Variants in XPO5 observed in about 807,000 individuals in gnomAD.
The protein encoded by XPO5 is exportin 5, also known as exportin-5.
Under a neutral mutation model 160.6 loss-of-function variants are expected in XPO5, and 46 were observed. That is an observed-to-expected ratio of 0.29 (90% CI 0.23 to 0.37). XPO5 has a LOEUF of 0.37. XPO5 is among the 10% of genes least tolerant of loss of function. The pLI, the probability that XPO5 is intolerant of heterozygous loss-of-function variation, is 1.00. For missense variants in XPO5, 1,090 were observed against 1,463.9 expected (o/e 0.74, Z 4.17); for synonymous variants, 537 against 519.3 (o/e 1.03, Z -0.46).
chr6:43,544,117 T>C (rs1379171682), intron 20 of XPO5: 1 of 152,834 alleles, frequency 6.5e-6, no homozygotes, highest in Non-Finnish European at 1.5e-5. Context: ...CACTGAACTC[T>C]TAGAAAAGTA....
intron 25 of XPO5, 91 bp from the exon 26 acceptor site, chr6:43,527,822 T>C (rs1561863998): frequency 2.2e-5 from 30 of 1,365,350 alleles, no homozygotes; most frequent in South Asian, 2.5e-5. Flanking sequence ...CTCTGACCAC[T>C]TTCTTCTCCT....
Position 43,575,643 on chromosome 6 carries a change from G to A in XPO5, c.105+117C>T, listed in dbSNP as rs1249399596. 8.9e-6 allele frequency: 8 copies of A among 898,968 alleles called. No homozygotes were observed. In the Admixed American group the frequency reaches 2.1e-4, roughly 24 times the overall value. 55.7% of individuals were successfully genotyped at this position (898,968 alleles called of 1,614,324 possible). On this transcript the variant is annotated intron_variant, in intron 1 of 31. Transcript: ENST00000265351. The stretch of plus-strand genomic sequence containing the variant: ...CGAGGGGAAGGTCCCGGGGAGTTGG[G>A]AAAGGAGGTCCAGGGGCCGCGTGGG...
At chr6:43,573,382 G>T in intron 2 of XPO5, 98 bp downstream of exon 2, 1 of 1,462,670 alleles carries the variant, frequency 6.8e-7, no homozygotes, top group Non-Finnish European at 9.3e-7. Context: ...CTTGGAGATT[G>T]CTCTTCTCTA....
chr6:43,525,686 T>C (rs1793540100), intron 28 of XPO5, 153 bp downstream of exon 28: 4 of 767,126 alleles, frequency 5.2e-6, no homozygotes, highest in Non-Finnish European at 8.2e-6. Context: ...TTGCACCTTT[T>C]CCCTCGGTTT....
chr6:43,524,029 A>G, intron 31 of XPO5, 24 bp from the exon 32 acceptor site: 1 of 1,607,318 alleles, frequency 6.2e-7, no homozygotes, highest in Non-Finnish European at 8.5e-7. Context: ...ATGAGAAAGA[A>G]TTAATGCTGG....
At chr6:43,533,534 T>C (rs1189737716) in intron 21 of XPO5, 2 of 170,754 alleles carry the variant, frequency 1.2e-5, no homozygotes, top group Non-Finnish European at 2.6e-5. Context: ...AAGCACAAGA[T>C]AGGCTGAAGC....
chr6:43,558,438 G>T, intron 12 of XPO5, 63 bp downstream of exon 12: 1 of 1,421,630 alleles, frequency 7.0e-7, no homozygotes. Context: ...CATGCACCAT[G>T]ATTCATAATA....
Position 43,523,962 on chromosome 6 carries a change from T to C in XPO5, c.3521A>G (p.Asn1174Ser). Residue 1174 changes from asparagine to serine, a missense_variant, in exon 32 of 32, where the codon AAT becomes AGT. This residue lies in a region of XPO5 where 810 missense variants were observed against 1,139.0 expected (regional missense o/e 0.71). Transcript: ENST00000265351. ...TGTTTTTTTGAAAAGTGAGGGAAGATTCTTAATGTGAACTTCTTTTCGGAA... is the reference window on the plus strand; with the variant it reads ...TGTTTTTTTGAAAAGTGAGGGAAGACTCTTAATGTGAACTTCTTTTCGGAA... ...EQFRKEVHIK[N>S]LPSLFKKTKP... The C allele has an allele frequency of 6.2e-7, 1 of 1,613,898 alleles. No individual in the cohort carries two copies. Among genetic ancestry groups the C allele is most frequent in the East Asian group, 2.2e-5 (1 of 44,884 alleles).
At chr6:43,562,424 T>C (rs1325060184) in intron 8 of XPO5, 78 bp from the exon 9 acceptor site, 3 of 1,076,426 alleles carry the variant, frequency 2.8e-6, no homozygotes, top group Admixed American at 4.3e-5. Flanking sequence ...GTCTCATTTC[T>C]CCAAGTCATT....
At chr6:43,561,599 A>C (rs1336245714) in intron 9 of XPO5, 2 of 153,080 alleles carry the variant, frequency 1.3e-5, no homozygotes, top group Admixed American at 1.3e-4. Context: ...GGCTAGTCTC[A>C]AACTCTTGAC....
intron 27 of XPO5, chr6:43,526,313 A>G: frequency 2.7e-6 from 1 of 364,932 alleles, no homozygotes. Flanking sequence ...ATACATAAAT[A>G]AAAACATAAT....
At position 43,523,687 on chromosome 6, in the gene XPO5, T is replaced by A; in HGVS notation, c.*181A>T. On this transcript the variant is annotated 3_prime_UTR_variant, in exon 32 of 32. Transcript: ENST00000265351. Reference sequence around the variant, plus strand: ...AAGCCCTAACTCCCTTTCTTGATACTTTAGTATAATTACTTCTGGTCCTGC... The same window carrying A: ...AAGCCCTAACTCCCTTTCTTGATACATTAGTATAATTACTTCTGGTCCTGC... 1 of 944,772 alleles carries A rather than the reference T, an allele frequency of 1.1e-6. No individual in the cohort carries two copies. Among genetic ancestry groups the A allele is most frequent in the Non-Finnish European group, 1.8e-6 (1 of 570,776 alleles). 58.5% of individuals were successfully genotyped at this position (944,772 alleles called of 1,614,324 possible). A position where few individuals can be genotyped will look rare whatever the true frequency, so the allele number is the denominator to read the frequency against.
chr6:43,555,783 G>C, intron 13 of XPO5, 53 bp downstream of exon 13: 1 of 1,608,002 alleles, frequency 6.2e-7, no homozygotes, highest in Admixed American at 1.7e-5. Flanking sequence ...CCTATATATA[G>C]TTTTGATACT....
At chr6:43,543,231 T>A (rs1328418351) in intron 20 of XPO5, among the ~76,000 whole-genome samples, 1 of 152,090 alleles carries the variant, frequency 6.6e-6, no homozygotes, top group African/African-American at 2.4e-5. Flanking sequence ...TTTGGGAGGA[T>A]CTCTTGAGCC....
chr6:43,568,601 T>C, intron 6 of XPO5, 110 bp downstream of exon 6: 2 of 1,019,024 alleles, frequency 2.0e-6, no homozygotes, highest in South Asian at 2.1e-5. Context: ...AAGACCTGTC[T>C]CCAAAACAAT....
chr6:43,528,134 A>G, intron 25 of XPO5, 25 bp downstream of exon 25: 1 of 1,579,908 alleles, frequency 6.3e-7, no homozygotes, highest in Non-Finnish European at 8.6e-7. Flanking sequence ...TCATCCACCA[A>G]GAAGAGTGGG....
chr6:43,556,730 C>A lies in XPO5; in HGVS notation c.1313-766G>T, dbSNP rs550993473. On this transcript the variant is annotated intron_variant, in intron 12 of 31. Coordinates refer to ENST00000265351, the MANE Select transcript of XPO5 (RefSeq NM_020750.3). ...AAACCTTGTATATAAATGTTCATAG[C>A]AGCATTATTTGTAATAGCCAAAAAA... Among the ~76,000 whole-genome samples the A allele has an allele frequency of 2.6e-5, 4 of 152,176 alleles. No individual in the cohort carries two copies. In the East Asian group the frequency reaches 5.8e-4, roughly 22 times the overall value.
In XPO5 at chr6:43,572,497, A is replaced by G. The variant is rs1347339166; in HGVS notation, c.300+9T>C. On this transcript the variant is annotated intron_variant, in intron 3 of 31. Coordinates refer to ENST00000265351, the MANE Select transcript of XPO5 (RefSeq NM_020750.3). ...TTGGAAACATGTCTCCCAACCACCCATTCCTTACATTTGCAATCAGCTCCA... is the reference window on the plus strand; with the variant it reads ...TTGGAAACATGTCTCCCAACCACCCGTTCCTTACATTTGCAATCAGCTCCA... The G allele has an allele frequency of 1.9e-6, 3 of 1,613,612 alleles. No individual in the cohort carries two copies. In the Admixed American group the frequency reaches 5.0e-5, roughly 27 times the overall value.
At chr6:43,532,600 T>C (rs1582202860) in intron 21 of XPO5, among the ~76,000 whole-genome samples, 2 of 152,230 alleles carry the variant, frequency 1.3e-5, no homozygotes. Context: ...TCAGATCTTA[T>C]ACCTGCCATT....
Sources: allele counts gnomAD v4.1 joint callset (sites outside exome capture counted in the v4.1 genomes callset), GRCh38; gene constraint gnomAD v4.1.1; regional missense constraint gnomAD v4.1.1; transcripts MANE v1.5; gene names NCBI Gene and HGNC (gene_info 2026-07-23, HGNC 2026-07-21).